The following NAP1L4 variants were observed in gnomAD, a reference collection of about 807,000 sequenced individuals.
NAP1L4 encodes the protein nucleosome assembly protein 1 like 4.
NAP1L4 carries 15 observed loss-of-function variants against 58.2 expected under a neutral mutation model. That is an observed-to-expected ratio of 0.26 (90% CI 0.17 to 0.40). The LOEUF is 0.40. Ranked by LOEUF, NAP1L4 falls within the 10% of genes least tolerant of loss-of-function variation. The pLI is 1.00. For synonymous variants in NAP1L4, 171 were observed against 155.6 expected, an observed-to-expected ratio of 1.10 and a Z score of -0.74; for missense variants, 384 against 451.1, an observed-to-expected ratio of 0.85 and a Z score of 1.35.
chr11:2,947,760 A>G (rs1369745507), intron 15 of NAP1L4, among the ~76,000 whole-genome samples: 1 of 152,240 alleles, frequency 6.6e-6, no homozygotes, highest in Non-Finnish European at 1.5e-5. Context: ...ACCAACTAAT[A>G]GGAAAAAAAT....
intron 1 of NAP1L4, among the ~76,000 whole-genome samples, chr11:2,981,418 CAAAAA>C (rs35499396): frequency 3.3e-3 from 136 of 41,272 alleles, no homozygotes; most frequent in South Asian, 8.2e-3. Flanking sequence ...TACCCTGTCT[CAAAAA>C]AAAAAAAAAA....
rs1845964491 is a variant in NAP1L4 at position 2,946,836 on chromosome 11, A to G, written c.*33-1190T>C. On this transcript the variant is annotated intron_variant, in intron 15 of 15. Transcript: ENST00000380542. This position sits in a 1 kb window ranked among gnomAD's most constrained non-coding sequence, Gnocchi z 4.8. ...ATGTCAATCTGACATTCAAGGGTAG[A>G]CTGAAGGTGGCCCAGTGTAGTGGCC... is the stretch of plus-strand genomic sequence containing the variant. Among the ~76,000 whole-genome samples the G allele has an allele frequency of 6.6e-6, 1 of 152,246 alleles. No homozygotes were observed. The highest frequency in any genetic ancestry group is 2.4e-5 in the African/African-American group (1 of 41,468).
In NAP1L4 at chr11:2,951,237, G is replaced by A. The variant is rs1343703303; in HGVS notation, c.1122+22C>T. On this transcript the variant is annotated intron_variant, in intron 14 of 15. Coordinates refer to ENST00000380542, the MANE Select transcript of NAP1L4 (RefSeq NM_005969.4). This position sits in a 1 kb window ranked among gnomAD's most constrained non-coding sequence, Gnocchi z 4.0. ...AGAGTGCAGCATAATAAGTAGGTCT[G>A]GGTGGCCCCAAAGTTACCAACCTTG... is the stretch of plus-strand genomic sequence containing the variant. The A allele has an allele frequency of 6.2e-7, 1 of 1,607,420 alleles. No homozygotes were observed.
At chr11:2,962,531 A>G (rs1434265101) in intron 8 of NAP1L4, among the ~76,000 whole-genome samples, 1 of 152,234 alleles carries the variant, frequency 6.6e-6, no homozygotes, top group Non-Finnish European at 1.5e-5. Context: ...GACGCTTCAT[A>G]ATAATTTTAC....
chr11:2,953,862 C>G (rs544841704), intron 12 of NAP1L4, among the ~76,000 whole-genome samples: 7 of 152,334 alleles, frequency 4.6e-5, no homozygotes, highest in Admixed American at 1.3e-4. Context: ...AGAGTATCAT[C>G]TAGAACATAC....
intron 1 of NAP1L4, among the ~76,000 whole-genome samples, chr11:2,980,635 G>A (rs542357349): frequency 3.3e-5 from 5 of 152,198 alleles, no homozygotes; most frequent in East Asian, 1.9e-4. Context: ...CTCGCTAAAC[G>A]GTTGTTCCAG....
At position 2,951,216 on chromosome 11, in the gene NAP1L4, T is replaced by A; in HGVS notation, c.1122+43A>T. ...GGGAACATTTTTAAAAGTCTAAGAG[T>A]GCAGCATAATAAGTAGGTCTGGGTG... On this transcript the variant is annotated intron_variant, in intron 14 of 15. Coordinates refer to ENST00000380542, the MANE Select transcript of NAP1L4 (RefSeq NM_005969.4). The surrounding 1 kb of genome is among the most constrained non-coding windows in gnomAD (Gnocchi z 4.0). The A allele has an allele frequency of 2.7e-6, 4 of 1,503,392 alleles. No individual in the cohort carries two copies. Among genetic ancestry groups the A allele is most frequent in the Non-Finnish European group, 3.7e-6 (4 of 1,081,006 alleles). 93.1% of individuals were successfully genotyped at this position (1,503,392 alleles called of 1,614,324 possible).
intron 1 of NAP1L4, among the ~76,000 whole-genome samples, chr11:2,983,090 T>A (rs554305827): frequency 1.3e-5 from 2 of 152,126 alleles, no homozygotes; most frequent in African/African-American, 4.8e-5. Context: ...TTAGTCAGGG[T>A]TGAAATCCTA....
rs763664184 is a variant in NAP1L4, at chr11:2,959,953, A to AT, written c.607-45dup. Reference sequence around the variant, plus strand: ...AGTAAGCACCAGTTAAAATAGAAAAATAACGAGGACAGATTGCTTGGAGTA... The same window carrying AT: ...AGTAAGCACCAGTTAAAATAGAAAAATTAACGAGGACAGATTGCTTGGAGTA... On this transcript the variant is annotated intron_variant, in intron 8 of 15. Coordinates refer to ENST00000380542, the MANE Select transcript of NAP1L4 (RefSeq NM_005969.4). The surrounding 1 kb of genome is among the most constrained non-coding windows in gnomAD (Gnocchi z 4.9). 2.5e-6 allele frequency: 4 copies of AT among 1,600,776 alleles called. No individual in the cohort carries two copies. Among genetic ancestry groups the AT allele is most frequent in the Non-Finnish European group, 3.4e-6 (4 of 1,171,154 alleles).
Position 2,954,312 on chromosome 11 carries a change from C to T in NAP1L4, c.1035+215G>A. The T allele has an allele frequency of 2.9e-6, 2 of 694,262 alleles. No individual in the cohort carries two copies. The highest frequency in any genetic ancestry group is 5.1e-5 in the Admixed American group (2 of 39,534). 43.0% of individuals were successfully genotyped at this position (694,262 alleles called of 1,614,324 possible). A position where few individuals can be genotyped will look rare whatever the true frequency, so the allele number is the denominator to read the frequency against. On this transcript the variant is annotated intron_variant, in intron 12 of 15. Transcript: ENST00000380542. This position sits in a 1 kb window ranked among gnomAD's most constrained non-coding sequence, Gnocchi z 4.8. The stretch of plus-strand genomic sequence containing the variant: ...AAACTGGCAATCACCTCTGAAACTG[C>T]TTCACAGACACCTGCTTTTCCTGCT...
Position 2,954,738 on chromosome 11 carries a change from G to T in NAP1L4, c.916-92C>A. The T allele has an allele frequency of 6.4e-7, 1 of 1,551,072 alleles. No homozygotes were observed. Among genetic ancestry groups the T allele is most frequent in the South Asian group, 1.1e-5 (1 of 89,248 alleles). On this transcript the variant is annotated intron_variant, in intron 11 of 15. Coordinates refer to ENST00000380542, the MANE Select transcript of NAP1L4 (RefSeq NM_005969.4). This position sits in a 1 kb window ranked among gnomAD's most constrained non-coding sequence, Gnocchi z 4.8. Reference sequence around the variant, plus strand: ...AGCCAAACCTCAGCCCCTCACTTTTGATTTACTTAACTTAAAACACCAAAC... The same window carrying T: ...AGCCAAACCTCAGCCCCTCACTTTTTATTTACTTAACTTAAAACACCAAAC...
rs1009815611 is a variant in NAP1L4, at chr11:2,954,858, A to G, written c.916-212T>C. On this transcript the variant is annotated intron_variant, in intron 11 of 15. Coordinates refer to ENST00000380542, the MANE Select transcript of NAP1L4 (RefSeq NM_005969.4). This position sits in a 1 kb window ranked among gnomAD's most constrained non-coding sequence, Gnocchi z 4.8. Reference sequence around the variant, plus strand: ...GAGCTACTGAAGCAAAATGGCAGAGAAAGTGGGAAGTGAGGGCCCTACAGC... The same window carrying G: ...GAGCTACTGAAGCAAAATGGCAGAGGAAGTGGGAAGTGAGGGCCCTACAGC... 23 of 613,578 alleles carry G rather than the reference A, an allele frequency of 3.7e-5. No homozygotes were observed. Among genetic ancestry groups the G allele is most frequent in the Admixed American group, 1.1e-4 (4 of 34,926 alleles). 38.0% of individuals were successfully genotyped at this position (613,578 alleles called of 1,614,324 possible).
rs141734107 is a variant in NAP1L4 at position 2,972,697 on chromosome 11, C to T, written c.174-454G>A. Among the ~76,000 whole-genome samples, 23 of 152,298 alleles carry T rather than the reference C, an allele frequency of 1.5e-4. 1 individual carries two copies. The East Asian group carries it at 3.7e-3, about 24-fold the overall frequency. ...CTAAGAATTTATCCTTAAGGCTGGG[C>T]GCAGTGGCTCATGCCTGTAATCCCA... is the stretch of plus-strand genomic sequence containing the variant. On this transcript the variant is annotated intron_variant, in intron 4 of 15. Coordinates refer to ENST00000380542, the MANE Select transcript of NAP1L4 (RefSeq NM_005969.4).
chr11:2,951,201 T>TTAAAAGTCTAA lies in NAP1L4; in HGVS notation c.1122+47_1122+57dup. The TTAAAAGTCTAA allele has an allele frequency of 1.4e-6, 2 of 1,381,544 alleles. No homozygotes were observed. The highest frequency in any genetic ancestry group is 2.0e-6 in the Non-Finnish European group (2 of 978,924). 85.6% of individuals were successfully genotyped at this position (1,381,544 alleles called of 1,614,324 possible). A position where few individuals can be genotyped will look rare whatever the true frequency, so the allele number is the denominator to read the frequency against. On this transcript the variant is annotated intron_variant, in intron 14 of 15. Transcript: ENST00000380542. The surrounding 1 kb of genome is among the most constrained non-coding windows in gnomAD (Gnocchi z 4.0). ...TACTGCCTCAAAGTGGGGAACATTT[T>TTAAAAGTCTAA]TAAAAGTCTAAGAGTGCAGCATAAT...
At chr11:2,991,442 T>C (rs1848960521) in intron 1 of NAP1L4, 1 of 178,214 alleles carries the variant, frequency 5.6e-6, no homozygotes, top group Non-Finnish European at 1.2e-5. Flanking sequence ...ATGTACAATT[T>C]TTTTTTTTGG....
chr11:2,980,062 A>G (rs890647593), intron 1 of NAP1L4, among the ~76,000 whole-genome samples: 1 of 152,226 alleles, frequency 6.6e-6, no homozygotes, highest in Admixed American at 6.5e-5. Flanking sequence ...TATACTCAGT[A>G]TTATTCCACT....
intron 3 of NAP1L4, among the ~76,000 whole-genome samples, chr11:2,977,437 C>A (rs143414054): frequency 3.9e-5 from 6 of 152,172 alleles, no homozygotes; most frequent in Admixed American, 3.3e-4. Context: ...CAGGAAGAAA[C>A]GACTGGGCAA....
intron 7 of NAP1L4, among the ~76,000 whole-genome samples, chr11:2,965,835 C>T (rs759315786): frequency 1.5e-4 from 23 of 152,146 alleles, no homozygotes; most frequent in Non-Finnish European, 1.5e-4. Context: ...CGGCCACACA[C>T]GGTTACTTCT....
chr11:2,950,921 C>T (rs1590217637), intron 14 of NAP1L4: 2 of 232,874 alleles, frequency 8.6e-6, no homozygotes, highest in African/African-American at 2.3e-5. Context: ...TTTCCAAACA[C>T]GCACAAAGAA....
Sources: allele counts gnomAD v4.1 joint callset (sites outside exome capture counted in the v4.1 genomes callset), GRCh38; gene constraint gnomAD v4.1.1; non-coding constraint Gnocchi (gnomAD v3.1); transcripts MANE v1.5; gene names NCBI Gene and HGNC (gene_info 2026-07-23, HGNC 2026-07-21).